Variants in GALNT14 observed in about 807,000 individuals in gnomAD.
GALNT14 encodes the protein polypeptide N-acetylgalactosaminyltransferase 14, also known as UDP-GalNAc:polypeptide N-acetylgalactosaminyltransferase 14.
Under a neutral mutation model 77.5 loss-of-function variants are expected in GALNT14, and 60 were observed. That is an observed-to-expected ratio of 0.77 (90% CI 0.63 to 0.96). The LOEUF is 0.96. GALNT14 is among the 40% of genes least tolerant of loss of function. GALNT14 has a pLI of 0.00. For missense variants in GALNT14, 710 were observed against 731.0 expected (o/e 0.97, Z 0.33); for synonymous variants, 280 against 281.7 (o/e 0.99, Z 0.06).
intron 1 of GALNT14, among the ~76,000 whole-genome samples, chr2:31,094,641 C>T (rs1346421017): frequency 1.3e-5 from 2 of 152,222 alleles, no homozygotes; most frequent in African/African-American, 2.4e-5. Context: ...TGTTGCTCAG[C>T]TTCTTCTCTC....
intron 9 of GALNT14, among the ~76,000 whole-genome samples, chr2:30,937,724 C>T (rs1160220732): frequency 6.6e-6 from 1 of 152,178 alleles, no homozygotes; most frequent in Non-Finnish European, 1.5e-5. Context: ...GGATAATCTG[C>T]TACCTTCAGG....
rs77662495 is a variant in GALNT14 at position 30,979,756 on chromosome 2, G to C, written c.299+13082C>G. Among the ~76,000 whole-genome samples, 1,194 of 152,176 alleles carry C rather than the reference G, an allele frequency of 7.8e-3. 11 individuals carry two copies. Among genetic ancestry groups the C allele is most frequent in the Non-Finnish European group, 0.012 (813 of 68,010 alleles). On this transcript the variant is annotated intron_variant, in intron 2 of 14. Transcript: ENST00000349752. ...ACATCCCATTGTGCCTGCTTACTTT[G>C]CCAGTCACCTGGGGCCTCACGTGGC...
intron 1 of GALNT14, among the ~76,000 whole-genome samples, chr2:31,063,551 T>G (rs1247650264): frequency 1.3e-5 from 2 of 152,220 alleles, no homozygotes; most frequent in Admixed American, 6.5e-5. Context: ...GGGCTCCTTT[T>G]TGGTTCCATA....
intron 11 of GALNT14, among the ~76,000 whole-genome samples, chr2:30,925,868 G>A (rs1665340907): frequency 6.6e-6 from 1 of 152,180 alleles, no homozygotes; most frequent in Admixed American, 6.5e-5. Flanking sequence ...CTGGGGCCAG[G>A]GAGGGTAGTG....
At chr2:30,934,926 A>C (rs1665959703) in intron 9 of GALNT14, among the ~76,000 whole-genome samples, 1 of 152,180 alleles carries the variant, frequency 6.6e-6, no homozygotes, top group Non-Finnish European at 1.5e-5. Context: ...ATCACACCCA[A>C]GACATCTCCT....
chr2:30,996,831 C>T (rs1032148507), intron 1 of GALNT14, among the ~76,000 whole-genome samples: 5 of 152,298 alleles, frequency 3.3e-5, no homozygotes, highest in South Asian at 2.1e-4. Flanking sequence ...ATGCACAAAG[C>T]GCAGTCATAG....
At chr2:31,129,821 C>A (rs143919255) in intron 1 of GALNT14, among the ~76,000 whole-genome samples, 1 of 152,178 alleles carries the variant, frequency 6.6e-6, no homozygotes, top group African/African-American at 2.4e-5. Flanking sequence ...ATCCTTATTT[C>A]CAAACCATAG....
chr2:31,000,169 G>C (rs990707295), intron 1 of GALNT14, among the ~76,000 whole-genome samples: 1 of 151,950 alleles, frequency 6.6e-6, no homozygotes, highest in African/African-American at 2.4e-5. Context: ...GTAGATCTGG[G>C]GTCTGTGCCA....
intron 1 of GALNT14, among the ~76,000 whole-genome samples, chr2:31,039,546 G>A (rs930653916): frequency 6.6e-5 from 10 of 152,088 alleles, no homozygotes; most frequent in Admixed American, 3.3e-4. Flanking sequence ...CCATCCAGTG[G>A]CCAATCAGTT....
chr2:30,941,028 G>A (rs35293883), intron 9 of GALNT14, among the ~76,000 whole-genome samples: 8 of 152,192 alleles, frequency 5.3e-5, no homozygotes, highest in Non-Finnish European at 1.0e-4. Flanking sequence ...GTGACTGAGG[G>A]AGAAAGCCAT....
At position 31,048,908 on chromosome 2, in the gene GALNT14, C is replaced by T. The variant is rs1302892674; in HGVS notation, c.130-55901G>A. Among the ~76,000 whole-genome samples, 3 of 152,148 alleles carry T rather than the reference C, an allele frequency of 2.0e-5. No individual in the cohort carries two copies. In the East Asian group the frequency reaches 5.8e-4, roughly 29 times the overall value. On this transcript the variant is annotated intron_variant, in intron 1 of 14. Transcript: ENST00000349752. ...ATTCAAGCCAGTGCCCTGTGCCTGA[C>T]CGGCTCATTCCCACAGGTGCCCGTC...
intron 1 of GALNT14, among the ~76,000 whole-genome samples, chr2:31,050,811 G>A (rs1394802725): frequency 1.3e-5 from 2 of 148,712 alleles, no homozygotes; most frequent in Non-Finnish European, 3.0e-5. Context: ...TGTGCTATTT[G>A]GAGGTGAGGG....
chr2:31,120,173 A>T lies in GALNT14; in HGVS notation c.129+17785T>A, dbSNP rs867665111. Among the ~76,000 whole-genome samples, 53 of 74,808 alleles carry T rather than the reference A, an allele frequency of 7.1e-4. 6 individuals carry two copies. Among genetic ancestry groups the T allele is most frequent in the African/African-American group, 1.6e-3 (48 of 30,576 alleles). The allele number at this position is 74,808 out of a possible 152,430, so 49.1% of individuals were successfully genotyped here. On this transcript the variant is annotated intron_variant, in intron 1 of 14. Transcript: ENST00000349752. ...TCCGTCTCAAAAAAAAAAAAAAAAA[A>T]AAAAAATAATGAGCTAGCTGACCAG...
chr2:31,114,326 C>T (rs1389158001), intron 1 of GALNT14, among the ~76,000 whole-genome samples: 7 of 148,742 alleles, frequency 4.7e-5, no homozygotes, highest in Non-Finnish European at 8.9e-5. Flanking sequence ...GAGACATGAG[C>T]AAACAAAACA....
chr2:30,958,003 A>C (rs750947214), intron 4 of GALNT14, among the ~76,000 whole-genome samples: 22 of 152,126 alleles, frequency 1.4e-4, no homozygotes, highest in Admixed American at 9.8e-4. Flanking sequence ...AGGTTCTTTG[A>C]TAGGATAACT....
chr2:31,087,485 G>C (rs1189510968), intron 1 of GALNT14, among the ~76,000 whole-genome samples: 1 of 150,866 alleles, frequency 6.6e-6, no homozygotes, highest in South Asian at 2.1e-4. Context: ...GAAAGGAGAG[G>C]AGAAGAGAGG....
At chr2:31,079,031 G>A (rs1675992198) in intron 1 of GALNT14, 1 of 1,284,722 alleles carries the variant, frequency 7.8e-7, no homozygotes, top group South Asian at 1.2e-5. Flanking sequence ...AACGAAATGG[G>A]TAGGCTCAGG....
chr2:30,989,330 C>T (rs911463468), intron 2 of GALNT14, among the ~76,000 whole-genome samples: 1 of 151,844 alleles, frequency 6.6e-6, no homozygotes, highest in African/African-American at 2.4e-5. Flanking sequence ...CTCTGCCCCC[C>T]TCACCATCCC....
At chr2:31,088,906 G>A (rs1676591961) in intron 1 of GALNT14, among the ~76,000 whole-genome samples, 1 of 152,146 alleles carries the variant, frequency 6.6e-6, no homozygotes, top group African/African-American at 2.4e-5. Context: ...GAGGAGGGCT[G>A]CATCCTCCAT....
Sources: allele counts gnomAD v4.1 joint callset (sites outside exome capture counted in the v4.1 genomes callset), GRCh38; gene constraint gnomAD v4.1.1; transcripts MANE v1.5; gene names NCBI Gene and HGNC (gene_info 2026-07-23, HGNC 2026-07-21).